The following SUDS3 variants were observed in gnomAD, a reference collection of about 807,000 sequenced individuals.
SUDS3 encodes sin3 histone deacetylase corepressor complex component SDS3.
Under a neutral mutation model 53.5 loss-of-function variants are expected in SUDS3, and 23 were observed. That is an observed-to-expected ratio of 0.43 (90% CI 0.31 to 0.61). The LOEUF (loss-of-function observed/expected upper bound fraction) is 0.61. SUDS3 is among the 20% of genes least tolerant of loss of function. The probability of loss-of-function intolerance (pLI) is 0.10; values close to 1 mark genes in which losing one functional copy is unlikely to be tolerated. For missense variants in SUDS3, 291 were observed against 405.9 expected, an observed-to-expected ratio of 0.72 and a Z score of 2.43; for synonymous variants, 150 against 148.5, an observed-to-expected ratio of 1.01 and a Z score of -0.08.
At chr12:118,382,572 G>A (rs1460552495) in intron 2 of SUDS3, among the ~76,000 whole-genome samples, 2 of 151,772 alleles carry the variant, frequency 1.3e-5, no homozygotes, top group Admixed American at 1.3e-4. Context: ...TCACTGTGTT[G>A]CCCAGGCTGG....
chr12:118,381,827 G>A (rs2046065724), intron 2 of SUDS3, among the ~76,000 whole-genome samples: 1 of 152,140 alleles, frequency 6.6e-6, no homozygotes, highest in African/African-American at 2.4e-5. Flanking sequence ...ACACCCAGAT[G>A]GAAAACGGTA....
intron 3 of SUDS3, among the ~76,000 whole-genome samples, chr12:118,385,116 T>A (rs1431283309): frequency 6.6e-6 from 1 of 151,914 alleles, no homozygotes; most frequent in East Asian, 1.9e-4. Context: ...GCTTTTCTTT[T>A]TTTTTTTTTC....
rs750789818 is a variant in SUDS3 at position 118,387,993 on chromosome 12, T to C, written c.340+1808T>C. ...TTTAGTGGTGTCTGGCTGCTTTAACTGAAACAACTGCCACCTCTAAGTGCT... is the reference window on the plus strand; with the variant it reads ...TTTAGTGGTGTCTGGCTGCTTTAACCGAAACAACTGCCACCTCTAAGTGCT... On this transcript the variant is annotated intron_variant, in intron 4 of 11. Transcript: ENST00000543473. Among the ~76,000 whole-genome samples the C allele has an allele frequency of 3.3e-5, 5 of 152,362 alleles. No individual in the cohort carries two copies. In the South Asian group the frequency reaches 1.0e-3, roughly 32 times the overall value.
intron 6 of SUDS3, 60 bp downstream of exon 6, chr12:118,391,342 G>T (rs2046166444): frequency 2.0e-6 from 3 of 1,525,606 alleles, no homozygotes. Context: ...GTGAAGGGCT[G>T]TTCCAGTTAC....
intron 10 of SUDS3, 97 bp downstream of exon 10, chr12:118,403,614 C>A: frequency 2.1e-6 from 2 of 941,906 alleles, no homozygotes; most frequent in Non-Finnish European, 3.3e-6. Flanking sequence ...ACGGCTGCTG[C>A]TAAACTTACA....
intron 6 of SUDS3, among the ~76,000 whole-genome samples, chr12:118,398,366 A>T (rs2046234697): frequency 6.6e-6 from 1 of 152,216 alleles, no homozygotes; most frequent in East Asian, 1.9e-4. Flanking sequence ...TCCAGCTCTT[A>T]ACTGTGGTGC....
At chr12:118,405,990 C>T (rs930450823) in intron 10 of SUDS3, among the ~76,000 whole-genome samples, 1 of 152,150 alleles carries the variant, frequency 6.6e-6, no homozygotes, top group Non-Finnish European at 1.5e-5. Context: ...ATTCAGGCAT[C>T]GCATCTTGGT....
intron 4 of SUDS3, 70 bp downstream of exon 4, chr12:118,386,255 C>T: frequency 4.1e-6 from 5 of 1,232,834 alleles, no homozygotes; most frequent in Non-Finnish European, 5.8e-6. Flanking sequence ...CGGTGTAATG[C>T]AGCCCTAAGA....
chr12:118,377,831 C>T (rs2046015477), intron 1 of SUDS3, among the ~76,000 whole-genome samples: 1 of 152,128 alleles, frequency 6.6e-6, no homozygotes, highest in Non-Finnish European at 1.5e-5. Context: ...ATGGGGCCTA[C>T]GTTTTATTCA....
rs1045838087 is a variant in SUDS3, at chr12:118,376,813, G to A, written c.122G>A (p.Arg41Gln). The change falls in exon 1 of 12, where the codon CGG (arginine) becomes CAG (glutamine). Residue 41 changes from arginine to glutamine, a missense_variant. Transcript: ENST00000543473. Reference sequence around the variant, plus strand: ...GCCGAGGACGACGAGCGCAGCTGTCGGGGCCGCGAGTCGGACGAAGGTGAG... The same window carrying A: ...GCCGAGGACGACGAGCGCAGCTGTCAGGGCCGCGAGTCGGACGAAGGTGAG... ...ESAEDDERSC[R>Q]GRESDEDTED... 1 of 1,548,212 alleles carries A rather than the reference G, an allele frequency of 6.5e-7. No individual in the cohort carries two copies. The highest frequency in any genetic ancestry group is 8.7e-7 in the Non-Finnish European group (1 of 1,153,790).
At chr12:118,390,478 G>A (rs761975498) in intron 5 of SUDS3, among the ~76,000 whole-genome samples, 1 of 152,160 alleles carries the variant, frequency 6.6e-6, no homozygotes, top group African/African-American at 2.4e-5. Context: ...TACTTTTTGA[G>A]AAAGTCATGG....
chr12:118,396,145 C>T (rs1262619409), intron 6 of SUDS3, among the ~76,000 whole-genome samples: 1 of 152,194 alleles, frequency 6.6e-6, no homozygotes, highest in Non-Finnish European at 1.5e-5. Context: ...TGGGTCCCTG[C>T]CCTGGTTTGG....
chr12:118,391,454 A>G (rs1257752185), intron 6 of SUDS3, among the ~76,000 whole-genome samples, 172 bp downstream of exon 6: 3 of 152,190 alleles, frequency 2.0e-5, no homozygotes, highest in Non-Finnish European at 4.4e-5. Context: ...GACCTTAGTC[A>G]AGCTGCTTAA....
chr12:118,411,500 T>A (rs909838039), intron 11 of SUDS3, among the ~76,000 whole-genome samples: 40 of 151,842 alleles, frequency 2.6e-4, no homozygotes, highest in Non-Finnish European at 4.0e-4. Flanking sequence ...TCTTTTTTTT[T>A]ATTTTTATTT....
intron 2 of SUDS3, among the ~76,000 whole-genome samples, chr12:118,383,543 A>C (rs2046086915): frequency 6.6e-6 from 1 of 152,230 alleles, no homozygotes; most frequent in Non-Finnish European, 1.5e-5. Flanking sequence ...AAAAAATGAC[A>C]TGAAGGTTTA....
At chr12:118,396,168 A>G (rs2046213603) in intron 6 of SUDS3, among the ~76,000 whole-genome samples, 2 of 152,194 alleles carry the variant, frequency 1.3e-5, no homozygotes, top group South Asian at 2.1e-4. Flanking sequence ...GTAATTGCCA[A>G]TCTGCTATAA....
chr12:118,405,534 T>C (rs2046301587), intron 10 of SUDS3, among the ~76,000 whole-genome samples: 1 of 152,262 alleles, frequency 6.6e-6, no homozygotes, highest in Non-Finnish European at 1.5e-5. Context: ...AGCAGAAATT[T>C]AGAAAATAAT....
At chr12:118,409,540 A>G (rs2046340388) in intron 10 of SUDS3, among the ~76,000 whole-genome samples, 1 of 152,296 alleles carries the variant, frequency 6.6e-6, no homozygotes, top group Non-Finnish European at 1.5e-5. Flanking sequence ...GAGAATTGAG[A>G]CCCTAGACTG....
intron 10 of SUDS3, among the ~76,000 whole-genome samples, chr12:118,408,122 A>G (rs1243476676): frequency 2.0e-5 from 3 of 152,118 alleles, no homozygotes; most frequent in Admixed American, 1.3e-4. Flanking sequence ...GATGGCCTCT[A>G]TCTCCTGACC....
Sources: allele counts gnomAD v4.1 joint callset (sites outside exome capture counted in the v4.1 genomes callset), GRCh38; gene constraint gnomAD v4.1.1; transcripts MANE v1.5; gene names NCBI Gene and HGNC (gene_info 2026-07-23, HGNC 2026-07-21).